Variants in STK32B observed in about 807,000 individuals in gnomAD.
STK32B encodes serine/threonine kinase 32B.
In STK32B, 43 loss-of-function variants were observed where a neutral mutation model predicts 52.6. The observed-to-expected ratio is 0.82, with a 90% CI of 0.64 to 1.05. The LOEUF is 1.05. STK32B is among the 50% of genes least tolerant of loss of function. STK32B has a pLI of 0.00. For synonymous variants in STK32B, 238 were observed against 204.3 expected, an observed-to-expected ratio of 1.17 and a Z score of -1.41; for missense variants, 621 against 534.6, an observed-to-expected ratio of 1.16 and a Z score of -1.59.
At chr4:5,219,602 G>A (rs1723396153) in intron 3 of STK32B, among the ~76,000 whole-genome samples, 1 of 152,250 alleles carries the variant, frequency 6.6e-6, no homozygotes, top group South Asian at 2.1e-4. Context: ...CTTCCGAGCT[G>A]ATCCTCTGGG....
the STK32B span, among the ~76,000 whole-genome samples, chr4:5,045,072 T>C: frequency 6.6e-6 from 1 of 152,240 alleles, no homozygotes; most frequent in Non-Finnish European, 1.5e-5. Context: ...TGCCTCAGTC[T>C]ACTCTCAGCA....
At chr4:5,271,752 T>C (rs1727448260) in intron 3 of STK32B, among the ~76,000 whole-genome samples, 3 of 144,442 alleles carry the variant, frequency 2.1e-5, no homozygotes, top group Admixed American at 2.0e-4. Context: ...AAGTATTTTA[T>C]TGTCTTTGAA....
At chr4:5,112,721 A>G (rs1374703976) in intron 1 of STK32B, among the ~76,000 whole-genome samples, 1 of 152,166 alleles carries the variant, frequency 6.6e-6, no homozygotes, top group African/African-American at 2.4e-5. Flanking sequence ...CAAAGCTAGT[A>G]CAAGAAAGCT....
At chr4:5,239,826 T>C (rs72613187) in intron 3 of STK32B, among the ~76,000 whole-genome samples, 2,541 of 152,206 alleles carry the variant, frequency 0.017, 48 homozygotes, top group East Asian at 0.076. Context: ...CAACTTCATC[T>C]GCCAACTTTA....
chr4:5,323,694 G>C (rs774834198), intron 3 of STK32B, among the ~76,000 whole-genome samples: 2 of 152,214 alleles, frequency 1.3e-5, no homozygotes, highest in Non-Finnish European at 2.9e-5. Flanking sequence ...CAGAATATGG[G>C]TGTTTCAGGC....
intron 3 of STK32B, among the ~76,000 whole-genome samples, chr4:5,174,183 G>A (rs1168260791): frequency 6.6e-6 from 1 of 152,050 alleles, no homozygotes. Flanking sequence ...TCTATTTTGA[G>A]CCTATGTGTG....
At position 5,185,012 on chromosome 4, in the gene STK32B, G is replaced by A. The variant is rs1016209773; in HGVS notation, c.260+16562G>A. The stretch of plus-strand genomic sequence containing the variant: ...TGAGGTGAGGTTGCTCCCTGTTTCC[G>A]TGTGACTACGTGTTCTCTCCTTCTC... On this transcript the variant is annotated intron_variant, in intron 3 of 11. Transcript: ENST00000282908. 5.3e-5 allele frequency among the ~76,000 whole-genome samples: 8 copies of A among 152,344 alleles called. No homozygotes were observed. In the South Asian group the frequency reaches 1.0e-3, roughly 20 times the overall value.
At chr4:5,351,507 A>G (rs1018774921) in intron 4 of STK32B, among the ~76,000 whole-genome samples, 2 of 152,098 alleles carry the variant, frequency 1.3e-5, no homozygotes, top group South Asian at 4.1e-4. Flanking sequence ...TGCCTACATC[A>G]AAAGAGTAGA....
At chr4:5,296,201 A>T (rs915008732) in intron 3 of STK32B, among the ~76,000 whole-genome samples, 25 of 152,192 alleles carry the variant, frequency 1.6e-4, no homozygotes, top group Admixed American at 7.9e-4. Context: ...CAATTTTAGA[A>T]TAAGTGTGAT....
intron 3 of STK32B, among the ~76,000 whole-genome samples, chr4:5,319,337 G>C (rs1257471314): frequency 2.0e-5 from 3 of 152,166 alleles, no homozygotes; most frequent in African/African-American, 7.2e-5. Flanking sequence ...TACCAATGAA[G>C]CAATATTGCC....
chr4:5,325,296 C>G (rs1731799895), intron 3 of STK32B, among the ~76,000 whole-genome samples: 1 of 150,768 alleles, frequency 6.6e-6, no homozygotes, highest in Admixed American at 6.6e-5. Context: ...GATTTCAGTA[C>G]CAGGACAAAA....
intron 3 of STK32B, among the ~76,000 whole-genome samples, chr4:5,187,220 GCAC>G (rs1238026301): frequency 6.6e-6 from 1 of 152,100 alleles, no homozygotes; most frequent in African/African-American, 2.4e-5. Flanking sequence ...CGCTTCTCCC[GCAC>G]CACAACACAG....
intron 1 of STK32B, among the ~76,000 whole-genome samples, chr4:5,054,667 A>T (rs918194180): frequency 2.6e-5 from 4 of 152,160 alleles, no homozygotes; most frequent in Admixed American, 1.3e-4. Context: ...GAGTCACTGA[A>T]GGGTTTTAAG....
rs1478805740 is a variant in STK32B, at chr4:5,286,036, G to A, written c.261-45184G>A. Among the ~76,000 whole-genome samples, 7 of 152,080 alleles carry A rather than the reference G, an allele frequency of 4.6e-5. No individual in the cohort carries two copies. In the South Asian group the frequency reaches 6.3e-4, roughly 14 times the overall value. On this transcript the variant is annotated intron_variant, in intron 3 of 11. Coordinates refer to ENST00000282908, the MANE Select transcript of STK32B (RefSeq NM_018401.3). ...CACAGAGGGAGGATCATTATGTGGTGAGAAGACGGCCGTCTACAAGCCAAG... is the reference window on the plus strand; with the variant it reads ...CACAGAGGGAGGATCATTATGTGGTAAGAAGACGGCCGTCTACAAGCCAAG...
rs568490373 is a variant in STK32B at position 5,293,567 on chromosome 4, G to T, written c.261-37653G>T. Among the ~76,000 whole-genome samples the T allele has an allele frequency of 9.9e-5, 15 of 151,794 alleles. No individual in the cohort carries two copies. The South Asian group carries it at 2.5e-3, about 25-fold the overall frequency. ...GATAATGAGCTTTTTTCATACATTT[G>T]TGGCCACATAAATGTCTTCTTTTGA... On this transcript the variant is annotated intron_variant, in intron 3 of 11. Coordinates refer to ENST00000282908, the MANE Select transcript of STK32B (RefSeq NM_018401.3).
At chr4:5,176,864 C>T (rs1360030345) in intron 3 of STK32B, among the ~76,000 whole-genome samples, 1 of 152,104 alleles carries the variant, frequency 6.6e-6, no homozygotes, top group Non-Finnish European at 1.5e-5. Flanking sequence ...AAATGTCAGC[C>T]TCTGGTGGCT....
At chr4:5,362,068 C>G (rs1478679204) in intron 4 of STK32B, among the ~76,000 whole-genome samples, 2 of 152,048 alleles carry the variant, frequency 1.3e-5, no homozygotes, top group Non-Finnish European at 2.9e-5. Flanking sequence ...GAATAGTAAA[C>G]AAGCTTACTT....
chr4:5,274,095 C>A (rs1381294259), intron 3 of STK32B, among the ~76,000 whole-genome samples: 1 of 152,092 alleles, frequency 6.6e-6, no homozygotes, highest in African/African-American at 2.4e-5. Flanking sequence ...CAATCTCAAT[C>A]AAAATCCCAG....
intron 6 of STK32B, among the ~76,000 whole-genome samples, chr4:5,423,552 C>T (rs912503393): frequency 1.3e-5 from 2 of 152,128 alleles, no homozygotes; most frequent in Admixed American, 6.5e-5. Flanking sequence ...GCTAATAGTT[C>T]GATAATTATT....
Sources: gnomAD v4.1 joint callset for allele counts (sites outside exome capture counted in the v4.1 genomes callset) on GRCh38, gnomAD v4.1.1 for gene constraint, MANE v1.5 for transcripts, NCBI Gene and HGNC (gene_info 2026-07-23, HGNC 2026-07-21) for gene names.